Variants in OTUD7A observed in about 807,000 individuals in gnomAD.
The protein encoded by OTUD7A is OTU deubiquitinase 7A, also known as OTU domain-containing protein 7A.
Under a neutral mutation model 65.7 loss-of-function variants are expected in OTUD7A, and 12 were observed. The observed-to-expected ratio is 0.18, with a 90% CI of 0.12 to 0.30. OTUD7A has a LOEUF of 0.30. OTUD7A is among the 10% of genes least tolerant of loss of function. The pLI is 1.00. For synonymous variants in OTUD7A, 641 were observed against 586.3 expected (o/e 1.09, Z -1.35); for missense variants, 1,148 against 1,304.8 (o/e 0.88, Z 1.85).
At chr15:31,714,742 T>C (rs1314781509) in intron 1 of OTUD7A, among the ~76,000 whole-genome samples, 2 of 152,216 alleles carry the variant, frequency 1.3e-5, no homozygotes, top group Non-Finnish European at 2.9e-5. Context: ...TGGTGTGCTA[T>C]TGATCAGTTC....
At chr15:31,492,967 A>G (rs1013996105) in intron 10 of OTUD7A, among the ~76,000 whole-genome samples, 2 of 152,112 alleles carry the variant, frequency 1.3e-5, no homozygotes, top group African/African-American at 4.8e-5. Context: ...GCACTTTGGG[A>G]GGCTGAGATG....
chr15:31,864,006 C>T (rs573124574), intron 1 of OTUD7A, among the ~76,000 whole-genome samples: 1 of 152,250 alleles, frequency 6.6e-6, no homozygotes, highest in African/African-American at 2.4e-5. Context: ...TTCAAAGTTC[C>T]ACAAATCTCT....
At chr15:31,740,881 G>A (rs1360370037) in intron 1 of OTUD7A, among the ~76,000 whole-genome samples, 2 of 152,214 alleles carry the variant, frequency 1.3e-5, no homozygotes, top group East Asian at 3.8e-4. Context: ...CAGAAAACTG[G>A]TGTAGCGACA....
Position 31,484,251 on chromosome 15 carries a change from C to T in OTUD7A, c.1845G>A (p.Arg615=), listed in dbSNP as rs1465158979. The change falls in exon 13 of 13, where the codon CGG becomes CGA. Residue 615 remains arginine (R), a synonymous_variant. Coordinates refer to ENST00000307050, the MANE Select transcript of OTUD7A (RefSeq NM_001382637.1). This position sits in a 1 kb window ranked among gnomAD's most constrained non-coding sequence, Gnocchi z 4.5. ...CCGTGCTGTACTTCCAGGCGTCGCCCCGCGGCCCACCGCCCTTCTCCGCCG... is the reference window on the plus strand; with the variant it reads ...CCGTGCTGTACTTCCAGGCGTCGCCTCGCGGCCCACCGCCCTTCTCCGCCG... ...ASPAEKGGGP[R]GDAWKYSTDV... 2.5e-6 allele frequency: 4 copies of T among 1,596,150 alleles called. No individual in the cohort carries two copies. Among genetic ancestry groups the T allele is most frequent in the Non-Finnish European group, 3.4e-6 (4 of 1,174,122 alleles).
At chr15:31,845,526 G>A (rs1595810237) in intron 1 of OTUD7A, among the ~76,000 whole-genome samples, 1 of 152,340 alleles carries the variant, frequency 6.6e-6, no homozygotes, top group Middle Eastern at 3.4e-3. Context: ...ATGCACCCAG[G>A]GCCACAGAGG....
rs535734967 is a variant in OTUD7A, at chr15:31,732,357, C to T, written c.-99-75280G>A. On this transcript the variant is annotated intron_variant, in intron 1 of 12. Coordinates refer to ENST00000307050, the MANE Select transcript of OTUD7A (RefSeq NM_001382637.1). Reference sequence around the variant, plus strand: ...AGGAAAATGAGGCTCTGAGAGATGCCTGATCTCCCCCAAGGGGAAGCTGGG... The same window carrying T: ...AGGAAAATGAGGCTCTGAGAGATGCTTGATCTCCCCCAAGGGGAAGCTGGG... 8.5e-5 allele frequency among the ~76,000 whole-genome samples: 13 copies of T among 152,334 alleles called. No homozygotes were observed. In the South Asian group the frequency reaches 2.5e-3, roughly 29 times the overall value.
chr15:31,697,256 C>T (rs75626005), intron 1 of OTUD7A, among the ~76,000 whole-genome samples: 52,279 of 99,686 alleles, frequency 0.52, 16,791 homozygotes, highest in Middle Eastern at 0.66. Context: ...GGCCCCTCCT[C>T]ACCCTCAGGT....
chr15:31,513,284 C>T lies in OTUD7A; in HGVS notation c.894-9466G>A, dbSNP rs560246260. ...TTTCCCTGAACCATTTGAAAATAAA[C>T]AGCCAACCTGGCACCCCATCACCCT... On this transcript the variant is annotated intron_variant, in intron 8 of 12. Transcript: ENST00000307050. Among the ~76,000 whole-genome samples, 7 of 152,220 alleles carry T rather than the reference C, an allele frequency of 4.6e-5. No individual in the cohort carries two copies. The South Asian group carries it at 1.2e-3, about 27-fold the overall frequency.
chr15:31,743,811 A>C (rs976476505), intron 1 of OTUD7A, among the ~76,000 whole-genome samples: 3 of 152,148 alleles, frequency 2.0e-5, no homozygotes, highest in Non-Finnish European at 2.9e-5. Context: ...TGAAAGATTC[A>C]TAAGACCGGT....
chr15:31,776,492 T>G (rs1450112149), intron 1 of OTUD7A, among the ~76,000 whole-genome samples: 1 of 152,188 alleles, frequency 6.6e-6, no homozygotes, highest in Admixed American at 6.5e-5. Context: ...GACTCTCTCC[T>G]TCCTTGGTAA....
chr15:31,582,908 A>G (rs1272625707), intron 3 of OTUD7A, among the ~76,000 whole-genome samples: 1 of 152,242 alleles, frequency 6.6e-6, no homozygotes, highest in South Asian at 2.1e-4. Context: ...GGAAGTGTTC[A>G]TGATCTACTT....
At chr15:31,589,153 A>G (rs1889639667) in intron 3 of OTUD7A, among the ~76,000 whole-genome samples, 1 of 152,210 alleles carries the variant, frequency 6.6e-6, no homozygotes, top group African/African-American at 2.4e-5. Context: ...GTATGTATAC[A>G]TATACATACA....
chr15:31,501,068 T>C lies in OTUD7A; in HGVS notation c.1171+622A>G, dbSNP rs147990190. 2.2e-3 allele frequency among the ~76,000 whole-genome samples: 330 copies of C among 152,378 alleles called. 1 individual carries two copies. Among genetic ancestry groups the C allele is most frequent in the African/African-American group, 7.5e-3 (312 of 41,594 alleles). ...TGGCCCAACATCAGCAGCACTGAAA[T>C]GGCTGCTTAGAGGAAACTCAGCTGC... On this transcript the variant is annotated intron_variant, in intron 10 of 12. Transcript: ENST00000307050.
intron 3 of OTUD7A, among the ~76,000 whole-genome samples, chr15:31,582,474 G>T (rs1020548765): frequency 6.6e-6 from 1 of 152,154 alleles, no homozygotes; most frequent in African/African-American, 2.4e-5. Context: ...CCAGAGACTG[G>T]GTAATTTGTA....
intron 3 of OTUD7A, among the ~76,000 whole-genome samples, chr15:31,623,113 T>A (rs12902319): frequency 3.3e-5 from 5 of 152,058 alleles, no homozygotes; most frequent in Non-Finnish European, 7.4e-5. Context: ...CTGCCTGATC[T>A]TTCCTCTGGA....
intron 1 of OTUD7A, among the ~76,000 whole-genome samples, chr15:31,735,676 G>C (rs1434225015): frequency 6.6e-6 from 1 of 152,124 alleles, no homozygotes; most frequent in African/African-American, 2.4e-5. Flanking sequence ...CCTAAACATA[G>C]AAATATCATT....
At chr15:31,583,527 GT>G (rs1889436155) in intron 3 of OTUD7A, among the ~76,000 whole-genome samples, 1 of 152,052 alleles carries the variant, frequency 6.6e-6, no homozygotes, top group African/African-American at 2.4e-5. Flanking sequence ...CATGGGGGTG[GT>G]TTCCCCCATA....
At position 31,482,537 on chromosome 15, in the gene OTUD7A, T is replaced by C. The variant is rs1004115999; in HGVS notation, c.*757A>G. On this transcript the variant is annotated 3_prime_UTR_variant, in exon 13 of 13. Transcript: ENST00000307050. ...GGAACCCTGCTTTTTGGACCCTAGG[T>C]GTCTTTGGAAAGCTCCTGTCACCTG... 2.0e-5 allele frequency: 3 copies of C among 152,200 alleles called. No homozygotes were observed. Among genetic ancestry groups the C allele is most frequent in the Non-Finnish European group, 4.4e-5 (3 of 68,076 alleles). 9.4% of individuals were successfully genotyped at this position (152,200 alleles called of 1,614,324 possible). A position where few individuals can be genotyped will look rare whatever the true frequency, so the allele number is the denominator to read the frequency against.
chr15:31,777,298 C>G (rs1212905462), intron 1 of OTUD7A, among the ~76,000 whole-genome samples: 1 of 152,214 alleles, frequency 6.6e-6, no homozygotes, highest in Non-Finnish European at 1.5e-5. Flanking sequence ...GGGCTCACTT[C>G]CCAATCCCAT....
Sources: allele counts gnomAD v4.1 joint callset (sites outside exome capture counted in the v4.1 genomes callset), GRCh38; gene constraint gnomAD v4.1.1; non-coding constraint Gnocchi (gnomAD v3.1); transcripts MANE v1.5; gene names NCBI Gene and HGNC (gene_info 2026-07-23, HGNC 2026-07-21).